Variants in MANEA observed in about 807,000 individuals in gnomAD.
MANEA encodes mannosidase endo-alpha, also known as glycoprotein endo-alpha-1,2-mannosidase.
A neutral mutation model predicts 36.8 loss-of-function variants in MANEA; 25 were observed. The ratio of observed to expected loss-of-function variants is 0.68; its 90% CI spans 0.50 to 0.95. The LOEUF is 0.95. MANEA is among the 40% of genes least tolerant of loss of function. The probability of loss-of-function intolerance (pLI) is 0.00; values close to 1 mark genes in which losing one functional copy is unlikely to be tolerated. For synonymous variants in MANEA, 198 were observed against 188.5 expected, an observed-to-expected ratio of 1.05 and a Z score of -0.41; for missense variants, 565 against 558.8, an observed-to-expected ratio of 1.01 and a Z score of -0.11.
intron 2 of MANEA, among the ~76,000 whole-genome samples, chr6:95,594,448 T>C (rs557509929): frequency 2.9e-4 from 44 of 152,244 alleles, no homozygotes; most frequent in Admixed American, 6.5e-4. Context: ...AAAGTAATGA[T>C]TTTCTGCATT....
chr6:95,585,214 T>C (rs2127938755), intron 1 of MANEA, among the ~76,000 whole-genome samples: 1 of 152,322 alleles, frequency 6.6e-6, no homozygotes, highest in East Asian at 1.9e-4. Flanking sequence ...TATATGTCCA[T>C]AAACATACTT....
Position 95,586,774 on chromosome 6 carries a change from G to T in MANEA, c.335G>T (p.Gly112Val). Residue 112 changes from glycine to valine, a missense_variant, in exon 2 of 5, where the codon GGA becomes GTA. Gly to Val is a moderately radical substitution (Grantham distance 109). Coordinates refer to ENST00000358812, the MANE Select transcript of MANEA (RefSeq NM_024641.4). ...CATGTATTTTATTACAGTTGGTATG[G>T]AAATCCACAATTTGATGGTAAATAT... ...YLHVFYYSWY[G>V]NPQFDGKYIH... 1 of 1,613,794 alleles carries T rather than the reference G, an allele frequency of 6.2e-7. No individual in the cohort carries two copies. Among genetic ancestry groups the T allele is most frequent in the South Asian group, 1.1e-5 (1 of 91,070 alleles).
rs1372932249 is a variant in MANEA, at chr6:95,607,050, G to C, written c.*645G>C. 2 of 151,998 alleles carry C rather than the reference G, an allele frequency of 1.3e-5. No individual in the cohort carries two copies. The highest frequency in any genetic ancestry group is 4.8e-5 in the African/African-American group (2 of 41,386). The allele number at this position is 151,998 out of a possible 1,614,324, so 9.4% of individuals were successfully genotyped here. ...AATTAAACCTTACCATGACCAAATTGTGTTAGGACGGCCTGCTATCTACAG... is the reference window on the plus strand; with the variant it reads ...AATTAAACCTTACCATGACCAAATTCTGTTAGGACGGCCTGCTATCTACAG... On this transcript the variant is annotated 3_prime_UTR_variant, in exon 5 of 5. Transcript: ENST00000358812.
At chr6:95,593,288 G>T (rs1377463283) in intron 2 of MANEA, among the ~76,000 whole-genome samples, 4 of 152,194 alleles carry the variant, frequency 2.6e-5, no homozygotes, top group African/African-American at 9.7e-5. Flanking sequence ...GATTAATTGG[G>T]CTGTGGATCA....
In MANEA at chr6:95,606,571, C is replaced by A. The variant is rs1769719573; in HGVS notation, c.*166C>A. On this transcript the variant is annotated 3_prime_UTR_variant, in exon 5 of 5. Transcript: ENST00000358812. ...ATAATATTATACTTGTTACCCTTCA[C>A]AATACCACATGAGAAAATATCTGAG... The A allele has an allele frequency of 5.6e-6, 2 of 357,306 alleles. No homozygotes were observed. The highest frequency in any genetic ancestry group is 4.4e-5 in the Admixed American group (1 of 22,864). The allele number at this position is 357,306 out of a possible 1,614,324, so 22.1% of individuals were successfully genotyped here. A position where few individuals can be genotyped will look rare whatever the true frequency, so the allele number is the denominator to read the frequency against.
Position 95,586,593 on chromosome 6 carries a change from A to G in MANEA, c.154A>G (p.Thr52Ala), listed in dbSNP as rs372181412. 1 of 1,614,072 alleles carries G rather than the reference A, an allele frequency of 6.2e-7. No individual in the cohort carries two copies. Among genetic ancestry groups the G allele is most frequent in the Non-Finnish European group, 8.5e-7 (1 of 1,179,994 alleles). ...LDLLPELHQR[T>A]IHLGKNFDFQ... ...CCTTCTTCCAGAACTTCATCAACGA[A>G]CTATTCATTTGGGGAAAAATTTTGA... Residue 52 changes from threonine to alanine, a missense_variant, in exon 2 of 5, where the codon ACT becomes GCT. Transcript: ENST00000358812.
At chr6:95,591,529 A>T (rs1582223985) in intron 2 of MANEA, among the ~76,000 whole-genome samples, 1 of 151,196 alleles carries the variant, frequency 6.6e-6, no homozygotes, top group South Asian at 2.1e-4. Context: ...TTCTGGCTGC[A>T]TTTAATTTTT....
intron 2 of MANEA, 30 bp downstream of exon 2, chr6:95,587,013 TTG>T: frequency 3.8e-6 from 4 of 1,046,170 alleles, no homozygotes; most frequent in Non-Finnish European, 5.5e-6. Context: ...ATATGTGTGT[TTG>T]TGTCTGTATA....
intron 1 of MANEA, among the ~76,000 whole-genome samples, chr6:95,584,576 A>G (rs2127938530): frequency 6.6e-6 from 1 of 152,292 alleles, no homozygotes; most frequent in East Asian, 1.9e-4. Flanking sequence ...TGCACAGCTG[A>G]ACATAGACCC....
At chr6:95,587,503 G>A (rs1279720414) in intron 2 of MANEA, 1 of 155,142 alleles carries the variant, frequency 6.4e-6, no homozygotes, top group African/African-American at 2.4e-5. Flanking sequence ...AGTTGTGAGT[G>A]TTCTATTACT....
intron 1 of MANEA, among the ~76,000 whole-genome samples, chr6:95,579,774 G>T (rs2127936618): frequency 1.3e-5 from 2 of 152,192 alleles, no homozygotes; most frequent in South Asian, 4.1e-4. Flanking sequence ...ACATCACTAA[G>T]CTTCAAGTCA....
rs749518772 is a variant in MANEA, at chr6:95,596,734, T to C, written c.545-3T>C. On this transcript the variant is annotated splice_region_variant and splice_polypyrimidine_tract_variant and intron_variant, in intron 2 of 4. Coordinates refer to ENST00000358812, the MANE Select transcript of MANEA (RefSeq NM_024641.4). ...TCCCTTTCTTTTTGGTCTTTTCTAT[T>C]AGGTGTACTAGCCCTCTCTTGGTAC... The C allele has an allele frequency of 6.6e-7, 1 of 1,517,828 alleles. No individual in the cohort carries two copies. The highest frequency in any genetic ancestry group is 1.7e-5 in the Admixed American group (1 of 59,438). 94.0% of individuals were successfully genotyped at this position (1,517,828 alleles called of 1,614,324 possible).
chr6:95,593,634 C>A (rs1416098599), intron 2 of MANEA, among the ~76,000 whole-genome samples: 2 of 152,044 alleles, frequency 1.3e-5, no homozygotes, highest in African/African-American at 4.8e-5. Flanking sequence ...AAACTTAATT[C>A]TTTTAAATTT....
intron 2 of MANEA, among the ~76,000 whole-genome samples, chr6:95,594,967 AT>A (rs1769458054): frequency 6.6e-6 from 1 of 152,118 alleles, no homozygotes; most frequent in Non-Finnish European, 1.5e-5. Context: ...CGTGTTTTAT[AT>A]AATAATAATG....
rs1769331764 is a variant in MANEA at position 95,588,651 on chromosome 6, TA to T, written c.544+1675del. 2.6e-5 allele frequency among the ~76,000 whole-genome samples: 4 copies of T among 152,004 alleles called. No individual in the cohort carries two copies. The South Asian group carries it at 8.3e-4, about 32-fold the overall frequency. On this transcript the variant is annotated intron_variant, in intron 2 of 4. Transcript: ENST00000358812. ...TTATTCAAGACTGTCTTGATATGGCTAAAAAAACTATGCTAGATTGACAGAG... is the reference window on the plus strand; with the variant it reads ...TTATTCAAGACTGTCTTGATATGGCTAAAAAACTATGCTAGATTGACAGAG...
Position 95,606,126 on chromosome 6 carries a change from G to C in MANEA, c.1110G>C (p.Thr370=). 6.2e-7 allele frequency: 1 copy of C among 1,613,956 alleles called. No homozygotes were observed. Among genetic ancestry groups the C allele is most frequent in the Non-Finnish European group, 8.5e-7 (1 of 1,179,948 alleles). The change falls in exon 5 of 5, where the codon ACG becomes ACC. Residue 370 remains threonine, a synonymous_variant. Transcript: ENST00000358812. The stretch of plus-strand genomic sequence containing the variant: ...ATACCAGCATCCGTCCATGGAACAC[G>C]CAAAACACTCGGAACCGAATCAATG... ...YIDTSIRPWN[T]QNTRNRINGK...
chr6:95,584,334 T>C (rs1769238991), intron 1 of MANEA, among the ~76,000 whole-genome samples: 1 of 152,144 alleles, frequency 6.6e-6, no homozygotes, highest in South Asian at 2.1e-4. Flanking sequence ...TATCACTAAA[T>C]TCTTTTCCTA....
chr6:95,589,839 A>G (rs1280252434), intron 2 of MANEA, among the ~76,000 whole-genome samples: 1 of 152,168 alleles, frequency 6.6e-6, no homozygotes, highest in Admixed American at 6.5e-5. Flanking sequence ...TTAGGGTTGC[A>G]GGTGCAAAAG....
intron 2 of MANEA, among the ~76,000 whole-genome samples, chr6:95,591,627 C>T (rs569043836): frequency 2.0e-5 from 3 of 150,976 alleles, no homozygotes; most frequent in African/African-American, 4.9e-5. Context: ...GTTATTTATC[C>T]TTCTTGGTGT....
Sources: allele counts gnomAD v4.1 joint callset (sites outside exome capture counted in the v4.1 genomes callset), GRCh38; gene constraint gnomAD v4.1.1; transcripts MANE v1.5; gene names NCBI Gene and HGNC (gene_info 2026-07-23, HGNC 2026-07-21).